The following TMEM178B variants were observed in gnomAD, a reference collection of about 807,000 sequenced individuals.
The protein encoded by TMEM178B is transmembrane protein 178B.
A neutral mutation model predicts 31.0 loss-of-function variants in TMEM178B; 5 were observed. The ratio of observed to expected loss-of-function variants is 0.16; its 90% CI spans 0.08 to 0.34. TMEM178B has a LOEUF of 0.34. Among genes scored for constraint, TMEM178B ranks in the 10% least tolerant of loss-of-function variants. The pLI is 1.00. For missense variants in TMEM178B, 275 were observed against 400.3 expected, an observed-to-expected ratio of 0.69 and a Z score of 2.67; for synonymous variants, 164 against 164.0, an observed-to-expected ratio of 1.00 and a Z score of 0.00.
intron 1 of TMEM178B, among the ~76,000 whole-genome samples, chr7:141,104,498 T>C (rs1255160016): frequency 6.6e-6 from 1 of 152,250 alleles, no homozygotes; most frequent in Non-Finnish European, 1.5e-5. Flanking sequence ...CTCTATCTGC[T>C]GCTCTGTCTC....
At chr7:141,204,609 T>C (rs1330746109) in intron 1 of TMEM178B, among the ~76,000 whole-genome samples, 1 of 152,204 alleles carries the variant, frequency 6.6e-6, no homozygotes, top group East Asian at 1.9e-4. Context: ...ATACAGCTTG[T>C]GGGTGGGAAT....
At chr7:141,405,634 A>C (rs1800872110) in intron 2 of TMEM178B, among the ~76,000 whole-genome samples, 1 of 151,832 alleles carries the variant, frequency 6.6e-6, no homozygotes, top group Non-Finnish European at 1.5e-5. Context: ...CCAAACCCAG[A>C]CTCCTGACAA....
intron 1 of TMEM178B, among the ~76,000 whole-genome samples, chr7:141,128,304 T>C (rs541377370): frequency 6.6e-6 from 1 of 152,322 alleles, no homozygotes; most frequent in Non-Finnish European, 1.5e-5. Flanking sequence ...GAGGAATTGT[T>C]GGCCTTCCCA....
chr7:141,300,723 A>G (rs150209963), intron 2 of TMEM178B, among the ~76,000 whole-genome samples: 2 of 152,312 alleles, frequency 1.3e-5, no homozygotes, highest in African/African-American at 2.4e-5. Context: ...TGACCTACAC[A>G]GGATAGCACA....
intron 1 of TMEM178B, among the ~76,000 whole-genome samples, chr7:141,204,017 T>C (rs1796921638): frequency 6.6e-6 from 1 of 152,192 alleles, no homozygotes. Flanking sequence ...CCAACAGTGC[T>C]GATAGGACCC....
intron 2 of TMEM178B, among the ~76,000 whole-genome samples, chr7:141,241,271 G>A (rs1309954834): frequency 6.6e-6 from 1 of 151,526 alleles, no homozygotes; most frequent in East Asian, 1.9e-4. Flanking sequence ...CTCATCCTAG[G>A]CACCAACATT....
intron 3 of TMEM178B, among the ~76,000 whole-genome samples, chr7:141,460,483 G>A (rs56002330): frequency 0.28 from 42,397 of 152,178 alleles, 6,615 homozygotes; most frequent in African/African-American, 0.42. Flanking sequence ...GGGTTTCAAC[G>A]TGAATTTTTC....
chr7:141,230,479 T>A (rs1797423839), intron 2 of TMEM178B, among the ~76,000 whole-genome samples: 1 of 152,214 alleles, frequency 6.6e-6, no homozygotes, highest in South Asian at 2.1e-4. Flanking sequence ...AAGTTCTCTC[T>A]TTCTTTTCTT....
chr7:141,223,034 A>G (rs1048363553), intron 2 of TMEM178B, among the ~76,000 whole-genome samples: 7 of 152,192 alleles, frequency 4.6e-5, no homozygotes, highest in African/African-American at 1.7e-4. Context: ...GATAAATACA[A>G]TGTGAGTACA....
chr7:141,200,999 G>A (rs1247240420), intron 1 of TMEM178B, among the ~76,000 whole-genome samples: 2 of 152,084 alleles, frequency 1.3e-5, no homozygotes, highest in African/African-American at 4.8e-5. Flanking sequence ...ACAGAATCAC[G>A]ATCCAAAATT....
rs191150728 is a variant in TMEM178B at position 141,437,331 on chromosome 7, G to A, written c.497-277G>A. ...ATATAGCTAGGCAGCGCTATGCCTG[G>A]CACAAAGGAGGCATAGAAGAAATGG... On this transcript the variant is annotated intron_variant, in intron 2 of 3. Coordinates refer to ENST00000565468, the MANE Select transcript of TMEM178B (RefSeq NM_001195278.2). Among the ~76,000 whole-genome samples, 699 of 152,330 alleles carry A rather than the reference G, an allele frequency of 4.6e-3. 10 individuals are homozygous for A. Among genetic ancestry groups the A allele is most frequent in the African/African-American group, 0.016 (669 of 41,570 alleles).
chr7:141,435,076 C>A (rs77584112), intron 2 of TMEM178B, among the ~76,000 whole-genome samples: 3 of 152,130 alleles, frequency 2.0e-5, no homozygotes, highest in African/African-American at 7.2e-5. Flanking sequence ...ACCCAGAAAT[C>A]CACATATTTA....
At chr7:141,104,662 C>T (rs929807491) in intron 1 of TMEM178B, among the ~76,000 whole-genome samples, 1 of 152,122 alleles carries the variant, frequency 6.6e-6, no homozygotes, top group African/African-American at 2.4e-5. Flanking sequence ...TATTTTCTCA[C>T]AATTTTGGAG....
At chr7:141,130,804 C>G (rs1795582577) in intron 1 of TMEM178B, among the ~76,000 whole-genome samples, 1 of 152,130 alleles carries the variant, frequency 6.6e-6, no homozygotes, top group Non-Finnish European at 1.5e-5. Flanking sequence ...ATCACCATAG[C>G]CCATGCATGC....
chr7:141,369,347 G>GTA (rs1249333994), intron 2 of TMEM178B, among the ~76,000 whole-genome samples: 6 of 150,780 alleles, frequency 4.0e-5, no homozygotes, highest in Non-Finnish European at 8.9e-5. Flanking sequence ...GTGTGTGTGT[G>GTA]TGTGTGTGTG....
Position 141,099,488 on chromosome 7 carries a change from A to C in TMEM178B, c.382+24796A>C, listed in dbSNP as rs569399598. Among the ~76,000 whole-genome samples, 49 of 152,324 alleles carry C rather than the reference A, an allele frequency of 3.2e-4. No individual in the cohort carries two copies. In the South Asian group the frequency reaches 9.5e-3, roughly 30 times the overall value. ...CTGAATTGAATTGTCAATGTGCTGAATGGACTCATATGTAGCCAGCAATGT... is the reference window on the plus strand; with the variant it reads ...CTGAATTGAATTGTCAATGTGCTGACTGGACTCATATGTAGCCAGCAATGT... On this transcript the variant is annotated intron_variant, in intron 1 of 3. Coordinates refer to ENST00000565468, the MANE Select transcript of TMEM178B (RefSeq NM_001195278.2).
intron 2 of TMEM178B, among the ~76,000 whole-genome samples, chr7:141,284,722 C>G (rs745486496): frequency 6.6e-6 from 1 of 152,126 alleles, no homozygotes; most frequent in Non-Finnish European, 1.5e-5. Flanking sequence ...GTTTGTTACA[C>G]GAGTGAATGA....
chr7:141,324,112 C>T (rs1032711060), intron 2 of TMEM178B, among the ~76,000 whole-genome samples: 1 of 152,028 alleles, frequency 6.6e-6, no homozygotes, highest in African/African-American at 2.4e-5. Flanking sequence ...ATGTAAGAAA[C>T]GTAGGGGGGA....
chr7:141,141,297 T>A (rs1417331426), intron 1 of TMEM178B, among the ~76,000 whole-genome samples: 1 of 151,866 alleles, frequency 6.6e-6, no homozygotes, highest in Non-Finnish European at 1.5e-5. Context: ...TTTTTTTTCA[T>A]CTTCTTACTT....
Sources: allele counts gnomAD v4.1 joint callset (sites outside exome capture counted in the v4.1 genomes callset), GRCh38; gene constraint gnomAD v4.1.1; transcripts MANE v1.5; gene names NCBI Gene and HGNC (gene_info 2026-07-23, HGNC 2026-07-21).